The following ATAD5 variants were observed in gnomAD, a reference collection of about 807,000 sequenced individuals.
ATAD5 encodes the protein ATPase family AAA domain-containing protein 5.
ATAD5 carries 58 observed loss-of-function variants against 176.9 expected under a neutral mutation model. That is an observed-to-expected ratio of 0.33 (90% confidence interval 0.27 to 0.41). The LOEUF is 0.41. ATAD5 is among the 10% of genes least tolerant of loss of function. ATAD5 has a pLI of 1.00. For missense variants in ATAD5, 1,789 were observed against 2,094.1 expected (o/e 0.85, Z 2.84); for synonymous variants, 640 against 712.6 (o/e 0.90, Z 1.62).
At position 30,878,718 on chromosome 17, in the gene ATAD5, G is replaced by GTTTTTTTTTTTTTT. The variant is rs71142005; in HGVS notation, c.4012+639_4012+652dup. Reference sequence around the variant, plus strand: ...TCTTATTAATCAGAAGTTAGGTGGTGTTTTTTTTTTTTTTTTTTTTTTTTT... The same window carrying GTTTTTTTTTTTTTT: ...TCTTATTAATCAGAAGTTAGGTGGTGTTTTTTTTTTTTTTTTTTTTTTTTTTTTTTTTTTTTTTT... On this transcript the variant is annotated intron_variant, in intron 17 of 22. Coordinates refer to ENST00000321990, the MANE Select transcript of ATAD5 (RefSeq NM_024857.5). Among the ~76,000 whole-genome samples, 21 of 56,870 alleles carry GTTTTTTTTTTTTTT rather than the reference G, an allele frequency of 3.7e-4. 5 individuals are homozygous for GTTTTTTTTTTTTTT. The highest frequency in any genetic ancestry group is 4.6e-4 in the African/African-American group (7 of 15,108). The allele number at this position is 56,870 out of a possible 152,430, so 37.3% of individuals were successfully genotyped here.
chr17:30,872,159 C>T lies in ATAD5; in HGVS notation c.3607+2513C>T, dbSNP rs562514560. Among the ~76,000 whole-genome samples the T allele has an allele frequency of 2.0e-5, 3 of 152,246 alleles. No individual in the cohort carries two copies. The South Asian group carries it at 6.2e-4, about 32-fold the overall frequency. Reference sequence around the variant, plus strand: ...CAAACTCCTGGCCTCCAGCAGTCTTCCTGCCTTGGCCTCCCGTAGTGCTAG... The same window carrying T: ...CAAACTCCTGGCCTCCAGCAGTCTTTCTGCCTTGGCCTCCCGTAGTGCTAG... On this transcript the variant is annotated intron_variant, in intron 14 of 22. Transcript: ENST00000321990.
At position 30,876,415 on chromosome 17, in the gene ATAD5, A is replaced by G. The variant is rs1404674219; in HGVS notation, c.3649A>G (p.Lys1217Glu). 8 of 1,602,276 alleles carry G rather than the reference A, an allele frequency of 5.0e-6. No homozygotes were observed. The highest frequency in any genetic ancestry group is 6.8e-6 in the Non-Finnish European group (8 of 1,176,120). The change falls in exon 15 of 23, where the codon AAA (lysine) becomes GAA (glutamate). Residue 1217 changes from lysine to glutamate, a missense_variant. By Grantham distance (56) the Lys-to-Glu change is moderately conservative (BLOSUM62 1). Around this residue, in one of 6 missense-constraint regions of ATAD5, gnomAD observed 194 missense variants for 270.1 expected, o/e 0.72. Coordinates refer to ENST00000321990, the MANE Select transcript of ATAD5 (RefSeq NM_024857.5). ...SPKKVVTSPRKVPPPSPKSSG... is the reference protein window; with the variant it reads ...SPKKVVTSPREVPPPSPKSSG... The stretch of plus-strand genomic sequence containing the variant: ...TAAGAAAGTTGTTACATCACCAAGA[A>G]AAGTTCCTCCACCATCACCAAAAAG...
intron 6 of ATAD5, among the ~76,000 whole-genome samples, chr17:30,852,570 GAA>G (rs1597966537): frequency 6.6e-6 from 1 of 152,254 alleles, no homozygotes; most frequent in South Asian, 2.1e-4. Context: ...AATTTATAGA[GAA>G]AAAGAGGTTT....
At chr17:30,853,009 C>T (rs993128165) in intron 6 of ATAD5, among the ~76,000 whole-genome samples, 1 of 151,928 alleles carries the variant, frequency 6.6e-6, no homozygotes, top group African/African-American at 2.4e-5. Context: ...CCTGCCTCAG[C>T]CTCCCGAGTA....
Position 30,835,132 on chromosome 17 carries a change from A to G in ATAD5, c.1051A>G (p.Met351Val). 1 of 1,614,174 alleles carries G rather than the reference A, an allele frequency of 6.2e-7. No individual in the cohort carries two copies. The highest frequency in any genetic ancestry group is 8.5e-7 in the Non-Finnish European group (1 of 1,180,016). ...TTTCTTGAAACAAAAGCAATTTGAA[A>G]TGGAAAATAGTTTATCTGATCCTGA... is the stretch of plus-strand genomic sequence containing the variant. ...RIFLKQKQFE[M>V]ENSLSDPENE... The change falls in exon 2 of 23, where the codon ATG (methionine) becomes GTG (valine). Residue 351 changes from methionine to valine, a missense_variant. This residue lies in a region of ATAD5 where 696 missense variants were observed against 712.5 expected (regional missense o/e 0.98). Transcript: ENST00000321990.
chr17:30,888,203 T>A (rs1237598674), intron 19 of ATAD5, among the ~76,000 whole-genome samples: 3 of 152,178 alleles, frequency 2.0e-5, no homozygotes, highest in African/African-American at 7.2e-5. Flanking sequence ...ATAAAAATTT[T>A]AAGCAACTTG....
At chr17:30,833,131 G>A (rs1389520294) in intron 1 of ATAD5, among the ~76,000 whole-genome samples, 2 of 152,140 alleles carry the variant, frequency 1.3e-5, no homozygotes, top group Non-Finnish European at 2.9e-5. Flanking sequence ...TCATTTAACT[G>A]CGACCAGTTG....
Position 30,893,418 on chromosome 17 carries a change from T to C in ATAD5, c.4565T>C (p.Ile1522Thr). 1.9e-6 allele frequency: 3 copies of C among 1,613,582 alleles called. No individual in the cohort carries two copies. Among genetic ancestry groups the C allele is most frequent in the Non-Finnish European group, 2.5e-6 (3 of 1,179,632 alleles). The part of the protein sequence containing the change: ...EFILPLPVDT[I>T]PETKNFCGPS... ...ATTCTACCATTACCAGTTGATACCA[T>C]TCCAGAAACTAAAAACTTTTGTGGC... Residue 1522 changes from isoleucine to threonine, a missense_variant, in exon 21 of 23, where the codon ATT (isoleucine) becomes ACT (threonine). By Grantham distance (89) the Ile-to-Thr change is moderately conservative (BLOSUM62 -1). Around this residue, in one of 6 missense-constraint regions of ATAD5, gnomAD observed 403 missense variants for 495.1 expected, o/e 0.81. Coordinates refer to ENST00000321990, the MANE Select transcript of ATAD5 (RefSeq NM_024857.5).
chr17:30,831,986 A>C lies in ATAD5; in HGVS notation c.-362A>C, dbSNP rs1905403130. 1 of 329,416 alleles carries C rather than the reference A, an allele frequency of 3.0e-6. No individual in the cohort carries two copies. The highest frequency in any genetic ancestry group is 4.9e-5 in the Admixed American group (1 of 20,476). The allele number at this position is 329,416 out of a possible 1,614,324, so 20.4% of individuals were successfully genotyped here. On this transcript the variant is annotated 5_prime_UTR_variant, in exon 1 of 23. Coordinates refer to ENST00000321990, the MANE Select transcript of ATAD5 (RefSeq NM_024857.5). Reference sequence around the variant, plus strand: ...CCCTTGCGCGCAGGACGGCGCGAAAACCCAATTGACAAGAATTCCCTCCGA... The same window carrying C: ...CCCTTGCGCGCAGGACGGCGCGAAACCCCAATTGACAAGAATTCCCTCCGA...
rs188523678 is a variant in ATAD5, at chr17:30,852,214, G to C, written c.2451-2929G>C. On this transcript the variant is annotated intron_variant, in intron 6 of 22. Transcript: ENST00000321990. ...AGTGGATTGTAATCCATTCATATTA[G>C]TTATTTTGATGCTCAAATTGTTTTT... 2.9e-3 allele frequency among the ~76,000 whole-genome samples: 447 copies of C among 152,262 alleles called. 4 individuals carry two copies. Among genetic ancestry groups the C allele is most frequent in the Non-Finnish European group, 3.5e-3 (236 of 68,012 alleles).
At position 30,843,671 on chromosome 17, in the gene ATAD5, A is replaced by T. The variant is rs76889843; in HGVS notation, c.2242-242A>T. The stretch of plus-strand genomic sequence containing the variant: ...TTTCAAAAAAAAAAAAAGAATAAAA[A>T]TAAAAAAGAAAGCCCATGGTCATAA... On this transcript the variant is annotated intron_variant, in intron 4 of 22. Coordinates refer to ENST00000321990, the MANE Select transcript of ATAD5 (RefSeq NM_024857.5). Among the ~76,000 whole-genome samples, 1,108 of 151,792 alleles carry T rather than the reference A, an allele frequency of 7.3e-3. 43 individuals are homozygous for T. Among genetic ancestry groups the T allele is most frequent in the Admixed American group, 0.054 (829 of 15,222 alleles).
At chr17:30,869,686 AAAAT>A (rs1908227961) in intron 14 of ATAD5, 40 bp downstream of exon 14, 1 of 1,544,180 alleles carries the variant, frequency 6.5e-7, no homozygotes. Flanking sequence ...TGTTTTGAAA[AAAAT>A]AAAATCTAAG....
intron 6 of ATAD5, among the ~76,000 whole-genome samples, chr17:30,849,260 TG>T (rs906051456): frequency 5.3e-5 from 8 of 152,166 alleles, no homozygotes; most frequent in African/African-American, 1.9e-4. Flanking sequence ...TGTTTCCTTT[TG>T]TCTTTTCCCT....
intron 11 of ATAD5, among the ~76,000 whole-genome samples, chr17:30,866,793 C>A (rs1251435900): frequency 6.6e-6 from 1 of 152,006 alleles, no homozygotes; most frequent in Non-Finnish European, 1.5e-5. Flanking sequence ...CCAGCCTGGG[C>A]AACAGAGTAA....
intron 19 of ATAD5, among the ~76,000 whole-genome samples, chr17:30,889,889 T>C (rs1243705021): frequency 7.1e-6 from 1 of 139,930 alleles, no homozygotes; most frequent in Non-Finnish European, 1.6e-5. Context: ...TTTCTTTCTT[T>C]TTTTTTTTTT....
rs757988181 is a variant in ATAD5, at chr17:30,893,696, G to T, written c.4843G>T (p.Asp1615Tyr). Residue 1615 changes from aspartate to tyrosine, a missense_variant, in exon 21 of 23, where the codon GAC (aspartate) becomes TAC (tyrosine). Asp to Tyr is a radical substitution (Grantham distance 160). Coordinates refer to ENST00000321990, the MANE Select transcript of ATAD5 (RefSeq NM_024857.5). ...CGGAGACGAAGAAAGCAAAGCCAGAGACAAAGGAAACAATCCAGAGACAAA... is the reference window on the plus strand; with the variant it reads ...CGGAGACGAAGAAAGCAAAGCCAGATACAAAGGAAACAATCCAGAGACAAA... ...KTGDEESKAR[D>Y]KGNNPETKKS... The T allele has an allele frequency of 3.7e-6, 6 of 1,613,508 alleles. No homozygotes were observed. Among genetic ancestry groups the T allele is most frequent in the Non-Finnish European group, 5.1e-6 (6 of 1,179,778 alleles).
chr17:30,837,145 T>G, intron 2 of ATAD5, 61 bp from the exon 3 acceptor site: 6 of 939,200 alleles, frequency 6.4e-6, no homozygotes, highest in Non-Finnish European at 7.7e-6. Flanking sequence ...TATATTTAAT[T>G]GAGATTCTTG....
At chr17:30,869,471 G>GT (rs762921849) in intron 13 of ATAD5, 25 bp from the exon 14 acceptor site, 7 of 1,609,082 alleles carry the variant, frequency 4.4e-6, no homozygotes, top group African/African-American at 4.0e-5. Context: ...TTCTCCCTTC[G>GT]TTTTTTCTTA....
intron 9 of ATAD5, among the ~76,000 whole-genome samples, chr17:30,859,421 G>A (rs1189154646): frequency 1.3e-5 from 2 of 152,068 alleles, no homozygotes; most frequent in Admixed American, 6.6e-5. Flanking sequence ...GTGCAGTGGC[G>A]CGATCTCAGC....
Sources: gnomAD v4.1 joint callset for allele counts (sites outside exome capture counted in the v4.1 genomes callset) on GRCh38, gnomAD v4.1.1 for gene constraint, gnomAD v4.1.1 regional missense constraint, MANE v1.5 for transcripts, NCBI Gene and HGNC (gene_info 2026-07-23, HGNC 2026-07-21) for gene names.